Variants in NELL2 observed in about 807,000 individuals in gnomAD.
NELL2 encodes the protein protein kinase C-binding protein NELL2.
In NELL2, 41 loss-of-function variants were observed where a neutral mutation model predicts 109.6. The observed-to-expected ratio is 0.37, with a 90% CI of 0.29 to 0.49. The LOEUF is 0.49. NELL2 is among the 20% of genes least tolerant of loss of function. The probability of loss-of-function intolerance (pLI) is 0.98; values close to 1 mark genes in which losing one functional copy is unlikely to be tolerated. For missense variants in NELL2, 900 were observed against 1,008.3 expected (o/e 0.89, Z 1.45); for synonymous variants, 355 against 344.7 (o/e 1.03, Z -0.33).
At chr12:44,577,744 C>T (rs1425342573) in intron 15 of NELL2, among the ~76,000 whole-genome samples, 2 of 152,068 alleles carry the variant, frequency 1.3e-5, no homozygotes, top group African/African-American at 2.4e-5. Flanking sequence ...TCCCAGAGTG[C>T]TAGGATTACA....
intron 5 of NELL2, among the ~76,000 whole-genome samples, chr12:44,778,737 G>T (rs1346974105): frequency 2.0e-5 from 3 of 152,048 alleles, no homozygotes; most frequent in East Asian, 3.9e-4. Flanking sequence ...CTCTGTGCAG[G>T]TTTATGCATA....
At chr12:44,670,578 AAGATACACAT>A (rs1948103894) in intron 12 of NELL2, among the ~76,000 whole-genome samples, 2 of 152,114 alleles carry the variant, frequency 1.3e-5, no homozygotes, top group South Asian at 4.2e-4. Context: ...TTCATCTATA[AAGATACACAT>A]AGACTAAAAG....
intron 1 of NELL2, among the ~76,000 whole-genome samples, chr12:44,910,503 T>C (rs1306552999): frequency 1.3e-5 from 2 of 151,986 alleles, no homozygotes; most frequent in African/African-American, 4.8e-5. Flanking sequence ...TTATGCACTG[T>C]TGGTGGGAAT....
At chr12:44,552,933 ATCTC>A (rs1357730700) in intron 15 of NELL2, among the ~76,000 whole-genome samples, 1 of 151,958 alleles carries the variant, frequency 6.6e-6, no homozygotes. Flanking sequence ...TACTCTATTT[ATCTC>A]TCTATTTCAA....
intron 9 of NELL2, among the ~76,000 whole-genome samples, chr12:44,747,795 C>T (rs1201704475): frequency 6.6e-6 from 1 of 152,140 alleles, no homozygotes; most frequent in Non-Finnish European, 1.5e-5. Context: ...GTAGCCTACC[C>T]TGCCTCTCCC....
At chr12:44,835,407 A>AG (rs1174559717) in intron 2 of NELL2, among the ~76,000 whole-genome samples, 1 of 152,238 alleles carries the variant, frequency 6.6e-6, no homozygotes, top group Non-Finnish European at 1.5e-5. Flanking sequence ...GAAACGGTGC[A>AG]GCAGGCTGCG....
intron 9 of NELL2, among the ~76,000 whole-genome samples, chr12:44,735,259 C>T (rs1172516166): frequency 6.6e-6 from 1 of 152,106 alleles, no homozygotes; most frequent in East Asian, 1.9e-4. Context: ...TGCCAGTTTT[C>T]ATCCTACAGT....
At chr12:44,665,411 G>A in intron 13 of NELL2, 73 bp downstream of exon 13, 1 of 1,336,848 alleles carries the variant, frequency 7.5e-7, no homozygotes, top group Non-Finnish European at 1.0e-6. Context: ...TCAAAAAAAT[G>A]AGAGTCAAAG....
In NELL2 at chr12:44,523,498, A is replaced by G; in HGVS notation, c.1805-14T>C. The G allele has an allele frequency of 6.2e-7, 1 of 1,610,858 alleles. No homozygotes were observed. Among genetic ancestry groups the G allele is most frequent in the Non-Finnish European group, 8.5e-7 (1 of 1,179,546 alleles). On this transcript the variant is annotated splice_polypyrimidine_tract_variant and intron_variant, in intron 16 of 19. Coordinates refer to ENST00000429094, the MANE Select transcript of NELL2 (RefSeq NM_001145108.2). The stretch of plus-strand genomic sequence containing the variant: ...ACTCATCAATATCTATAGACAAGAA[A>G]AAGCAGCACTCAATGTGCTTAGAAT...
At position 44,722,181 on chromosome 12, in the gene NELL2, CT is replaced by C. The variant is rs112801177; in HGVS notation, c.995-7441del. On this transcript the variant is annotated intron_variant, in intron 9 of 19. Coordinates refer to ENST00000429094, the MANE Select transcript of NELL2 (RefSeq NM_001145108.2). ...GGTAACACCTGGTGAAAATAAGAAA[CT>C]TTTTTTTTTTTGCAACAGGGTCTCA... Among the ~76,000 whole-genome samples the C allele has an allele frequency of 3.7e-3, 535 of 146,434 alleles. 1 individual carries two copies. The highest frequency in any genetic ancestry group is 0.01 in the South Asian group (47 of 4,610).
rs1945745714 is a variant in NELL2 at position 44,614,456 on chromosome 12, G to A, written c.1445-3486C>T. Among the ~76,000 whole-genome samples the A allele has an allele frequency of 2.0e-5, 3 of 151,908 alleles. 1 individual carries two copies. In the South Asian group the frequency reaches 6.2e-4, roughly 31 times the overall value. ...AGTTAGAAAATATTTTTCCCTGTGT[G>A]TCATAATTTCTTTGTTCTGCATCTG... On this transcript the variant is annotated intron_variant, in intron 13 of 19. Coordinates refer to ENST00000429094, the MANE Select transcript of NELL2 (RefSeq NM_001145108.2).
At chr12:44,536,971 T>C (rs1942315850) in intron 15 of NELL2, among the ~76,000 whole-genome samples, 1 of 130,740 alleles carries the variant, frequency 7.6e-6, no homozygotes, top group Admixed American at 8.0e-5. Context: ...GAGGCAATCA[T>C]TAAAAACAAA....
Position 44,896,476 on chromosome 12 carries a change from G to A in NELL2, c.38+17323C>T, listed in dbSNP as rs12306077. ...AACTAACATTTCTTAAAGGAATTCCGTGACCGAGGTGTACACAGGAGTACT... is the reference window on the plus strand; with the variant it reads ...AACTAACATTTCTTAAAGGAATTCCATGACCGAGGTGTACACAGGAGTACT... On this transcript the variant is annotated intron_variant, in intron 1 of 20. Coordinates refer to the NELL2 transcript ENST00000333837. Among the ~76,000 whole-genome samples, 1,508 of 152,208 alleles carry A rather than the reference G, an allele frequency of 9.9e-3. 19 individuals carry two copies. The highest frequency in any genetic ancestry group is 0.034 in the African/African-American group (1,405 of 41,548).
At chr12:44,572,008 T>C (rs1366693782) in intron 15 of NELL2, among the ~76,000 whole-genome samples, 2 of 152,166 alleles carry the variant, frequency 1.3e-5, no homozygotes, top group Non-Finnish European at 2.9e-5. Flanking sequence ...AAAACGTGCA[T>C]AGCTCAAAAA....
chr12:44,622,041 G>C (rs1240556483), intron 13 of NELL2, among the ~76,000 whole-genome samples: 1 of 152,048 alleles, frequency 6.6e-6, no homozygotes, highest in Non-Finnish European at 1.5e-5. Flanking sequence ...ATAGATCTTT[G>C]AACCCTCACA....
chr12:44,667,035 C>T (rs1211040793), intron 12 of NELL2, among the ~76,000 whole-genome samples: 1 of 152,178 alleles, frequency 6.6e-6, no homozygotes, highest in Non-Finnish European at 1.5e-5. Context: ...AAAAACTTCC[C>T]TAATGAACTA....
At chr12:44,709,241 A>T (rs622349) in intron 11 of NELL2, among the ~76,000 whole-genome samples, 2 of 152,204 alleles carry the variant, frequency 1.3e-5, no homozygotes, top group East Asian at 3.9e-4. Context: ...GAGTGCTTTG[A>T]CCAATTGCAT....
At chr12:44,576,776 G>A (rs1240780502) in intron 15 of NELL2, among the ~76,000 whole-genome samples, 4 of 151,750 alleles carry the variant, frequency 2.6e-5, no homozygotes, top group East Asian at 1.9e-4. Flanking sequence ...ATTCCCACCT[G>A]TGAGTGAGAA....
At chr12:44,589,966 C>T (rs1290583531) in intron 15 of NELL2, among the ~76,000 whole-genome samples, 1 of 152,140 alleles carries the variant, frequency 6.6e-6, no homozygotes, top group Non-Finnish European at 1.5e-5. Flanking sequence ...TCCCTGCCTT[C>T]CTCTTGTCAC....
Sources: allele counts gnomAD v4.1 joint callset (sites outside exome capture counted in the v4.1 genomes callset), GRCh38; gene constraint gnomAD v4.1.1; transcripts MANE v1.5; gene names NCBI Gene and HGNC (gene_info 2026-07-23, HGNC 2026-07-21).